Variants in OPCML observed in about 807,000 individuals in gnomAD.
The protein encoded by OPCML is opioid-binding protein/cell adhesion molecule.
In OPCML, 13 loss-of-function variants were observed where a neutral mutation model predicts 37.8. The ratio of observed to expected loss-of-function variants is 0.34; its 90% CI spans 0.22 to 0.55. The LOEUF is 0.55. Ranked by LOEUF, OPCML falls within the 20% of genes least tolerant of loss-of-function variation. The pLI, the probability that OPCML is intolerant of heterozygous loss-of-function variation, is 0.91. For missense variants in OPCML, 341 were observed against 435.6 expected (o/e 0.78, Z 1.93); for synonymous variants, 176 against 168.8 (o/e 1.04, Z -0.33).
chr11:133,007,171 C>T, intron 1 of OPCML: 1 of 985,420 alleles, frequency 1.0e-6, no homozygotes, highest in Non-Finnish European at 1.2e-6. Flanking sequence ...AGATTGTGGC[C>T]TTGGGGACTC....
intron 2 of OPCML, among the ~76,000 whole-genome samples, chr11:132,716,139 T>C (rs547109522): frequency 6.6e-6 from 1 of 152,208 alleles, no homozygotes; most frequent in African/African-American, 2.4e-5. Context: ...TGAAGCTGCC[T>C]GGAGGTCTGC....
rs556180126 is a variant in OPCML, at chr11:133,290,203, T to C, written c.61+242061A>G. On this transcript the variant is annotated intron_variant, in intron 1 of 7. Transcript: ENST00000524381. The stretch of plus-strand genomic sequence containing the variant: ...CTCAGCAGCTGCACTGCTTTTGCCC[T>C]GGCATTCAGGTGTATCTGGGCACCC... 2.6e-5 allele frequency among the ~76,000 whole-genome samples: 4 copies of C among 152,280 alleles called. No individual in the cohort carries two copies. The South Asian group carries it at 8.3e-4, about 32-fold the overall frequency.
At chr11:133,006,710 G>C (rs555749940) in intron 1 of OPCML, 100 of 985,424 alleles carry the variant, frequency 1.0e-4, no homozygotes, top group Middle Eastern at 1.0e-3. Context: ...TGCTAGAATT[G>C]TTCCAGCACC....
chr11:133,236,524 G>A (rs538593364), intron 1 of OPCML, among the ~76,000 whole-genome samples: 14 of 152,118 alleles, frequency 9.2e-5, no homozygotes, highest in Middle Eastern at 3.4e-3. Flanking sequence ...TTGTCTCCCC[G>A]TCTAATTAGG....
intron 2 of OPCML, among the ~76,000 whole-genome samples, chr11:132,699,116 CT>C (rs764057033): frequency 2.6e-5 from 4 of 151,622 alleles, no homozygotes; most frequent in Non-Finnish European, 5.9e-5. Flanking sequence ...TTTTTTAATG[CT>C]ATTGTAAATG....
chr11:132,896,255 C>T (rs1943837604), intron 2 of OPCML, among the ~76,000 whole-genome samples: 1 of 152,112 alleles, frequency 6.6e-6, no homozygotes, highest in African/African-American at 2.4e-5. Flanking sequence ...TCGGACACAC[C>T]AGGAGGGTCC....
intron 2 of OPCML, among the ~76,000 whole-genome samples, chr11:132,665,576 G>C (rs1018991928): frequency 6.6e-6 from 1 of 152,194 alleles, no homozygotes; most frequent in South Asian, 2.1e-4. Context: ...TGTGGGAGGA[G>C]AGAGGAGGAG....
At chr11:133,192,779 T>A (rs1305591525) in intron 1 of OPCML, among the ~76,000 whole-genome samples, 1 of 152,188 alleles carries the variant, frequency 6.6e-6, no homozygotes, top group Non-Finnish European at 1.5e-5. Context: ...TGCAAAAGGC[T>A]AAATTCAAAA....
chr11:132,868,506 A>G (rs1477749447), intron 2 of OPCML, among the ~76,000 whole-genome samples: 1 of 152,256 alleles, frequency 6.6e-6, no homozygotes, highest in East Asian at 1.9e-4. Context: ...AATAATTGAA[A>G]AAAACTTTGT....
rs557373515 is a variant in OPCML at position 133,312,197 on chromosome 11, T to C, written c.61+220067A>G. The stretch of plus-strand genomic sequence containing the variant: ...TTTATATCCGAATTCTCTCCAAATA[T>C]GTTATGACAAATGCATTCAAGTGAT... On this transcript the variant is annotated intron_variant, in intron 1 of 7. Transcript: ENST00000524381. 7.9e-5 allele frequency among the ~76,000 whole-genome samples: 12 copies of C among 152,344 alleles called. No individual in the cohort carries two copies. In the East Asian group the frequency reaches 1.7e-3, roughly 22 times the overall value.
chr11:132,460,523 C>T (rs899638831), intron 4 of OPCML, among the ~76,000 whole-genome samples: 5 of 152,090 alleles, frequency 3.3e-5, no homozygotes, highest in Non-Finnish European at 5.9e-5. Context: ...CTGAAGTCAA[C>T]AGGGCAGGAG....
chr11:133,518,433 A>T (rs1948331044), intron 1 of OPCML, among the ~76,000 whole-genome samples: 1 of 151,182 alleles, frequency 6.6e-6, no homozygotes, highest in African/African-American at 2.4e-5. Flanking sequence ...GTTTGTGTGT[A>T]AGTGTGGGCA....
chr11:133,286,456 G>A (rs545648757), intron 1 of OPCML, among the ~76,000 whole-genome samples: 5 of 115,736 alleles, frequency 4.3e-5, no homozygotes, highest in South Asian at 3.0e-4. Context: ...GCGACAGAGC[G>A]AGACTGTGTC....
chr11:133,039,728 A>G (rs935862844), intron 1 of OPCML, among the ~76,000 whole-genome samples: 1 of 152,064 alleles, frequency 6.6e-6, no homozygotes, highest in Non-Finnish European at 1.5e-5. Context: ...CATCAGGCAG[A>G]CGTCGTGGAC....
At chr11:132,536,693 T>A (rs900378503) in intron 3 of OPCML, among the ~76,000 whole-genome samples, 1 of 152,208 alleles carries the variant, frequency 6.6e-6, no homozygotes, top group Non-Finnish European at 1.5e-5. Context: ...TGGGGCTACC[T>A]TTTTGCATTT....
chr11:133,485,301 A>G (rs747140836), intron 1 of OPCML, among the ~76,000 whole-genome samples: 2 of 152,212 alleles, frequency 1.3e-5, no homozygotes, highest in Non-Finnish European at 2.9e-5. Flanking sequence ...AAAATGTGTG[A>G]CATACCTAGG....
At chr11:132,636,029 C>G (rs1940471255) in intron 3 of OPCML, among the ~76,000 whole-genome samples, 1 of 152,196 alleles carries the variant, frequency 6.6e-6, no homozygotes, top group Admixed American at 6.5e-5. Context: ...CCCGTCTTTA[C>G]ATGCACAATT....
At chr11:133,118,272 C>T in intron 1 of OPCML, 3 of 985,386 alleles carry the variant, frequency 3.0e-6, no homozygotes, top group Non-Finnish European at 3.6e-6. Flanking sequence ...TTGTTCACAT[C>T]ATATGAGCTG....
rs189436207 is a variant in OPCML at position 132,770,831 on chromosome 11, G to A, written c.147-113512C>T. ...AATTGGAGAAGGGGGGACTCAGGGG[G>A]CCCAGTGACTGACGCAATAGGAAGC... On this transcript the variant is annotated intron_variant, in intron 2 of 7. Coordinates refer to ENST00000524381, the MANE Select transcript of OPCML (RefSeq NM_001012393.5). Among the ~76,000 whole-genome samples the A allele has an allele frequency of 1.1e-3, 175 of 152,250 alleles. 3 individuals carry two copies. The highest frequency in any genetic ancestry group is 0.011 in the Admixed American group (168 of 15,300).
Sources: gnomAD v4.1 joint callset for allele counts (sites outside exome capture counted in the v4.1 genomes callset) on GRCh38, gnomAD v4.1.1 for gene constraint, MANE v1.5 for transcripts, NCBI Gene and HGNC (gene_info 2026-07-23, HGNC 2026-07-21) for gene names.